NPEPPS: variants seen among roughly 807,000 people sequenced by gnomAD.
NPEPPS encodes puromycin-sensitive aminopeptidase.
A neutral mutation model predicts 115.5 loss-of-function variants in NPEPPS; 14 were observed. The observed-to-expected ratio is 0.12, with a 90% CI of 0.08 to 0.19. The LOEUF (loss-of-function observed/expected upper bound fraction) is 0.19, where lower values mean the gene tolerates loss of function less well. NPEPPS is among the 10% of genes least tolerant of loss of function. The pLI is 1.00. For synonymous variants in NPEPPS, 285 were observed against 390.6 expected (o/e 0.73, Z 3.19); for missense variants, 523 against 1,110.8 (o/e 0.47, Z 7.52).
intron 1 of NPEPPS, among the ~76,000 whole-genome samples, chr17:47,542,285 G>A (rs1241462348): frequency 6.6e-6 from 1 of 152,158 alleles, no homozygotes; most frequent in African/African-American, 2.4e-5. Context: ...GGTGGCTCAT[G>A]CCTGTAATCC....
chr17:47,601,765 C>A lies in NPEPPS; in HGVS notation c.1740+18C>A, dbSNP rs774057631. 1 of 1,610,244 alleles carries A rather than the reference C, an allele frequency of 6.2e-7. No homozygotes were observed. Among genetic ancestry groups the A allele is most frequent in the Admixed American group, 1.7e-5 (1 of 59,248 alleles). Reference sequence around the variant, plus strand: ...GGGTGAAGGTGAGTTCAGAATCTTACCTAAACAGATTTCTCTCACTTATAC... The same window carrying A: ...GGGTGAAGGTGAGTTCAGAATCTTAACTAAACAGATTTCTCTCACTTATAC... On this transcript the variant is annotated intron_variant, in intron 15 of 22. Coordinates refer to ENST00000322157, the MANE Select transcript of NPEPPS (RefSeq NM_006310.4).
At chr17:47,573,704 A>G (rs1242885750) in intron 3 of NPEPPS, among the ~76,000 whole-genome samples, 3 of 152,240 alleles carry the variant, frequency 2.0e-5, no homozygotes, top group African/African-American at 7.2e-5. Flanking sequence ...TGGGCGACAG[A>G]GCAAGACTGT....
Position 47,531,360 on chromosome 17 carries a change from G to A in NPEPPS, c.60G>A (p.Pro20=), listed in dbSNP as rs1346644384. ...LARRLLFLGP[P]PPPLLLLVFS... is the part of the protein sequence containing the mutation. ...GCCGCCTGCTCTTCCTCGGCCCTCC[G>A]CCTCCTCCCCTCCTCCTTCTCGTCT... Residue 20 remains proline (P), a synonymous_variant, in exon 1 of 23, where the codon CCG becomes CCA. Transcript: ENST00000322157. The A allele has an allele frequency of 2.0e-6, 3 of 1,506,192 alleles. No individual in the cohort carries two copies. The East Asian group carries it at 7.6e-5, about 38-fold the overall frequency. The allele number at this position is 1,506,192 out of a possible 1,614,324, so 93.3% of individuals were successfully genotyped here. A position where few individuals can be genotyped will look rare whatever the true frequency, so the allele number is the denominator to read the frequency against.
chr17:47,552,306 T>C (rs144700782), intron 2 of NPEPPS, among the ~76,000 whole-genome samples: 7,811 of 152,214 alleles, frequency 0.051, 266 homozygotes, highest in Non-Finnish European at 0.077. Context: ...TATTCTGGTT[T>C]CTATGCAGGA....
chr17:47,527,039 A>T (rs1490590096), upstream of NPEPPS, among the ~76,000 whole-genome samples: 1 of 152,206 alleles, frequency 6.6e-6, no homozygotes, highest in African/African-American at 2.4e-5. Flanking sequence ...AGAAAAAAAA[A>T]TGCCTAGGTC....
intron 1 of NPEPPS, among the ~76,000 whole-genome samples, chr17:47,533,653 G>A (rs1054038108): frequency 9.2e-5 from 14 of 151,860 alleles, no homozygotes; most frequent in African/African-American, 2.7e-4. Context: ...TTTAAGTATC[G>A]GGATAGAACA....
At chr17:47,577,385 C>T (rs1258084998) in intron 3 of NPEPPS, among the ~76,000 whole-genome samples, 1 of 151,886 alleles carries the variant, frequency 6.6e-6, no homozygotes, top group African/African-American at 2.4e-5. Flanking sequence ...ATCTGTTAGA[C>T]GTTCTTTGCA....
chr17:47,601,115 G>A (rs1013209979), intron 14 of NPEPPS, among the ~76,000 whole-genome samples: 13 of 152,148 alleles, frequency 8.5e-5, no homozygotes, highest in Non-Finnish European at 1.6e-4. Context: ...CACACCTGTA[G>A]TCCCAGCTAC....
intron 6 of NPEPPS, 164 bp downstream of exon 6, chr17:47,585,864 T>C: frequency 1.5e-6 from 1 of 655,760 alleles, no homozygotes; most frequent in Non-Finnish European, 2.6e-6. Flanking sequence ...TGGTGTTTCA[T>C]TATTTTACAA....
chr17:47,613,847 C>A, intron 19 of NPEPPS, 122 bp downstream of exon 19: 2 of 657,636 alleles, frequency 3.0e-6, no homozygotes, highest in Non-Finnish European at 2.6e-6. Flanking sequence ...TGTAGACATG[C>A]AAGTATTTTA....
intron 9 of NPEPPS, among the ~76,000 whole-genome samples, chr17:47,588,576 AAG>A (rs1912327743): frequency 6.6e-6 from 1 of 152,106 alleles, no homozygotes; most frequent in Non-Finnish European, 1.5e-5. Context: ...AAAAAAAAAA[AAG>A]AAATATAATT....
chr17:47,601,152 T>C (rs1597879442), intron 14 of NPEPPS, among the ~76,000 whole-genome samples: 1 of 152,034 alleles, frequency 6.6e-6, no homozygotes, highest in East Asian at 1.9e-4. Flanking sequence ...CAAGAACTTC[T>C]TGAACCCGGG....
chr17:47,602,740 A>C (rs1212551460), intron 15 of NPEPPS, among the ~76,000 whole-genome samples: 1 of 150,876 alleles, frequency 6.6e-6, no homozygotes, highest in African/African-American at 2.4e-5. Context: ...TCCTAGGCTC[A>C]TGTGATCCTC....
rs148453679 is a variant in NPEPPS, at chr17:47,556,733, G to C, written c.340+10740G>C. Among the ~76,000 whole-genome samples, 1,442 of 152,208 alleles carry C rather than the reference G, an allele frequency of 9.5e-3. 18 individuals carry two copies. The highest frequency in any genetic ancestry group is 0.033 in the African/African-American group (1,355 of 41,542). On this transcript the variant is annotated intron_variant, in intron 2 of 22. Transcript: ENST00000322157. Reference sequence around the variant, plus strand: ...GCTGCCCCCCGCCTCCCTCCGGGACGGGGCGGCTCAAGCAATTCTCTTGCC... The same window carrying C: ...GCTGCCCCCCGCCTCCCTCCGGGACCGGGCGGCTCAAGCAATTCTCTTGCC...
intron 2 of NPEPPS, among the ~76,000 whole-genome samples, chr17:47,559,946 G>A (rs1009083489): frequency 2.0e-5 from 3 of 152,130 alleles, no homozygotes; most frequent in Admixed American, 6.6e-5. Flanking sequence ...TCCCACTTTT[G>A]TCCCTGGGGC....
intron 5 of NPEPPS, among the ~76,000 whole-genome samples, chr17:47,583,886 T>C (rs1912031904): frequency 6.7e-6 from 1 of 149,826 alleles, no homozygotes; most frequent in Admixed American, 6.7e-5. Context: ...TGTGCCACTG[T>C]ATTCCAGCCT....
intron 17 of NPEPPS, among the ~76,000 whole-genome samples, chr17:47,607,476 T>C (rs981577116): frequency 5.3e-5 from 8 of 152,226 alleles, no homozygotes; most frequent in Non-Finnish European, 8.8e-5. Flanking sequence ...TTTCTGATCC[T>C]GTAGAACCTG....
chr17:47,571,330 G>A (rs1296523222), intron 3 of NPEPPS, among the ~76,000 whole-genome samples: 1 of 151,978 alleles, frequency 6.6e-6, no homozygotes, highest in Non-Finnish European at 1.5e-5. Flanking sequence ...AGAATCTATT[G>A]AATTAATATA....
intron 2 of NPEPPS, among the ~76,000 whole-genome samples, chr17:47,554,697 T>C (rs1268036916): frequency 1.3e-5 from 2 of 152,198 alleles, no homozygotes; most frequent in African/African-American, 2.4e-5. Context: ...CTCACCCTTC[T>C]TCTTTGACAT....
Sources: allele counts gnomAD v4.1 joint callset (sites outside exome capture counted in the v4.1 genomes callset), GRCh38; gene constraint gnomAD v4.1.1; transcripts MANE v1.5; gene names NCBI Gene and HGNC (gene_info 2026-07-23, HGNC 2026-07-21).